Variants in PDE1A observed in about 807,000 individuals in gnomAD.
The protein encoded by PDE1A is dual specificity calcium/calmodulin-dependent 3',5'-cyclic nucleotide phosphodiesterase 1A.
A neutral mutation model predicts 61.7 loss-of-function variants in PDE1A; 35 were observed. The observed-to-expected ratio is 0.57, with a 90% CI of 0.43 to 0.75. The LOEUF is 0.75. Ranked by LOEUF, PDE1A falls within the 30% of genes least tolerant of loss-of-function variation. PDE1A has a pLI of 0.00. For synonymous variants in PDE1A, 232 were observed against 213.2 expected (o/e 1.09, Z -0.77); for missense variants, 597 against 630.6 (o/e 0.95, Z 0.57).
chr2:182,243,530 C>T (rs897701629), intron 2 of PDE1A, among the ~76,000 whole-genome samples: 11 of 151,980 alleles, frequency 7.2e-5, no homozygotes, highest in African/African-American at 2.7e-4. Flanking sequence ...AGAGAGTGAC[C>T]CAAGTTGGGA....
At chr2:182,448,847 T>C (rs539614654) in intron 2 of PDE1A, among the ~76,000 whole-genome samples, 1 of 152,152 alleles carries the variant, frequency 6.6e-6, no homozygotes, top group South Asian at 2.1e-4. Flanking sequence ...TGTGGAAAGG[T>C]ACTATAGAGA....
At chr2:182,473,570 G>A (rs1019774107) in intron 2 of PDE1A, among the ~76,000 whole-genome samples, 1 of 151,666 alleles carries the variant, frequency 6.6e-6, no homozygotes, top group African/African-American at 2.4e-5. Flanking sequence ...AGTTTGTTGT[G>A]TACATCATTT....
At chr2:182,192,848 G>A (rs889560963) in intron 10 of PDE1A, among the ~76,000 whole-genome samples, 1 of 152,026 alleles carries the variant, frequency 6.6e-6, no homozygotes, top group African/African-American at 2.4e-5. Flanking sequence ...GTTTTTAAAT[G>A]CCTTCCTACC....
exon 1 of PDE1A, chr2:182,522,709 T>A (rs908394193): frequency 9.6e-7 from 1 of 1,044,980 alleles, no homozygotes; most frequent in African/African-American, 1.7e-5. Flanking sequence ...CATCTGTTAC[T>A]GTTCTGTGCA....
rs376941100 is a variant in PDE1A, at chr2:182,315,640, C to A, written c.54-51226G>T. The stretch of plus-strand genomic sequence containing the variant: ...AGCTAATGGTCCCCATGCCCAACTT[C>A]AAGAACTGACTCTATTAGAGAAAAA... On this transcript the variant is annotated intron_variant, in intron 1 of 13. Transcript: ENST00000351439. Among the ~76,000 whole-genome samples the A allele has an allele frequency of 2.2e-4, 33 of 152,204 alleles. 1 individual carries two copies. In the South Asian group the frequency reaches 6.8e-3, roughly 32 times the overall value.
At chr2:182,561,628 T>G in the PDE1A span, among the ~76,000 whole-genome samples, 27 of 152,196 alleles carry the variant, frequency 1.8e-4, no homozygotes, top group Non-Finnish European at 5.9e-5. Flanking sequence ...TGCTATTGAA[T>G]CTATAAATTA....
chr2:182,368,863 A>G (rs1559383910), intron 1 of PDE1A, among the ~76,000 whole-genome samples: 1 of 152,220 alleles, frequency 6.6e-6, no homozygotes, highest in Non-Finnish European at 1.5e-5. Context: ...TTCCTTGCCC[A>G]TAGTGAACAC....
the PDE1A span, among the ~76,000 whole-genome samples, chr2:182,549,923 T>C: frequency 6.6e-6 from 1 of 152,216 alleles, no homozygotes; most frequent in Non-Finnish European, 1.5e-5. Context: ...CTGATTATTC[T>C]CAATTTAGCT....
At chr2:182,619,938 C>A in the PDE1A span, among the ~76,000 whole-genome samples, 2 of 152,264 alleles carry the variant, frequency 1.3e-5, 1 homozygote, top group South Asian at 4.2e-4. Context: ...AGAGAACTCA[C>A]TTCCAGAAGT....
the PDE1A span, among the ~76,000 whole-genome samples, chr2:182,606,617 AG>A: frequency 0.11 from 17,345 of 152,210 alleles, 1,183 homozygotes; most frequent in African/African-American, 0.18. Flanking sequence ...GTTATAATAT[AG>A]AAAAAGAAGA....
At chr2:182,375,631 T>C (rs1700357438) in intron 1 of PDE1A, among the ~76,000 whole-genome samples, 1 of 152,188 alleles carries the variant, frequency 6.6e-6, no homozygotes, top group Non-Finnish European at 1.5e-5. Context: ...TGTAGGTGCA[T>C]TCTGGGGTCT....
At chr2:182,641,880 A>T in the PDE1A span, among the ~76,000 whole-genome samples, 10 of 152,322 alleles carry the variant, frequency 6.6e-5, no homozygotes, top group South Asian at 2.1e-4. Flanking sequence ...AGCAATCTTC[A>T]ATTGTCGAAA....
intron 2 of PDE1A, among the ~76,000 whole-genome samples, chr2:182,484,844 C>T (rs1687916477): frequency 6.6e-6 from 1 of 151,578 alleles, no homozygotes; most frequent in African/African-American, 2.4e-5. Context: ...AGAATGGATA[C>T]TATTAAAACA....
chr2:182,350,292 A>G (rs1039856989), intron 1 of PDE1A, among the ~76,000 whole-genome samples: 5 of 152,192 alleles, frequency 3.3e-5, no homozygotes, highest in Non-Finnish European at 7.3e-5. Context: ...GATTCTCAGT[A>G]TTGGGCTATG....
At chr2:182,337,625 C>T (rs867337006) in intron 1 of PDE1A, among the ~76,000 whole-genome samples, 2 of 152,086 alleles carry the variant, frequency 1.3e-5, no homozygotes, top group African/African-American at 2.4e-5. Flanking sequence ...TGGGAAGAAA[C>T]AGAAGCTATC....
intron 1 of PDE1A, among the ~76,000 whole-genome samples, chr2:182,418,928 C>G (rs1230910845): frequency 6.6e-6 from 1 of 152,126 alleles, no homozygotes; most frequent in Non-Finnish European, 1.5e-5. Context: ...TCAGCTGACC[C>G]ACGGGCGCAG....
rs1194195996 is a variant in PDE1A at position 182,447,608 on chromosome 2, A to G, written c.101+74668T>C. The stretch of plus-strand genomic sequence containing the variant: ...TATAAGGCACACATGCCTACCCTGT[A>G]AAGCCCATCTCAAAGGCTATATTTT... On this transcript the variant is annotated intron_variant, in intron 2 of 14. Coordinates refer to the PDE1A transcript ENST00000410103. Among the ~76,000 whole-genome samples the G allele has an allele frequency of 2.6e-5, 4 of 152,202 alleles. No individual in the cohort carries two copies. The East Asian group carries it at 7.8e-4, about 30-fold the overall frequency.
chr2:182,153,356 G>A (rs1157976494), intron 13 of PDE1A, among the ~76,000 whole-genome samples: 1 of 152,170 alleles, frequency 6.6e-6, no homozygotes, highest in African/African-American at 2.4e-5. Context: ...AGGTACGGTG[G>A]AGCCTGAGCA....
intron 1 of PDE1A, among the ~76,000 whole-genome samples, chr2:182,395,379 A>C (rs1701645706): frequency 6.6e-6 from 1 of 152,208 alleles, no homozygotes. Context: ...ATAAGTAGCA[A>C]ACACTGGACT....
Sources: allele counts gnomAD v4.1 joint callset (sites outside exome capture counted in the v4.1 genomes callset), GRCh38; gene constraint gnomAD v4.1.1; transcripts MANE v1.5; gene names NCBI Gene and HGNC (gene_info 2026-07-23, HGNC 2026-07-21).